The following CLMN variants were observed in gnomAD, a reference collection of about 807,000 sequenced individuals.
CLMN encodes the protein calmin (calponin-like, transmembrane).
In CLMN, 57 loss-of-function variants were observed where a neutral mutation model predicts 92.7. The ratio of observed to expected loss-of-function variants is 0.61; its 90% CI spans 0.50 to 0.77. CLMN has a LOEUF of 0.77. Ranked by LOEUF, CLMN falls within the 30% of genes least tolerant of loss-of-function variation. The probability of loss-of-function intolerance (pLI) is 0.00; values close to 1 mark genes in which losing one functional copy is unlikely to be tolerated. For synonymous variants in CLMN, 466 were observed against 470.6 expected, an observed-to-expected ratio of 0.99 and a Z score of 0.13; for missense variants, 1,158 against 1,237.5, an observed-to-expected ratio of 0.94 and a Z score of 0.96.
At chr14:95,218,553 T>C (rs1897425472) in intron 4 of CLMN, among the ~76,000 whole-genome samples, 3 of 152,186 alleles carry the variant, frequency 2.0e-5, no homozygotes. Context: ...GCAGAGCTGT[T>C]ATAGCCTGTT....
Position 95,215,801 on chromosome 14 carries a change from TTC to T in CLMN, c.325-70_325-69del, listed in dbSNP as rs756652518. ...GAGGATAACATATGTTATTTTCTGG[TTC>T]TCTCTCTCTCTCTGTGTGTGTGTGT... On this transcript the variant is annotated intron_variant, in intron 4 of 12. Transcript: ENST00000298912. 2.0e-3 allele frequency: 2,035 copies of T among 1,016,152 alleles called. 74 individuals are homozygous for T. The highest frequency in any genetic ancestry group is 2.8e-3 in the South Asian group (209 of 73,930). 62.9% of individuals were successfully genotyped at this position (1,016,152 alleles called of 1,614,324 possible). A position where few individuals can be genotyped will look rare whatever the true frequency, so the allele number is the denominator to read the frequency against.
Position 95,204,265 on chromosome 14 carries a change from A to G in CLMN, c.1084T>C (p.Phe362Leu). The change falls in exon 9 of 13, where the codon TTC becomes CTC. Residue 362 changes from phenylalanine to leucine, a missense_variant. By Grantham distance (22) the Phe-to-Leu change is conservative. Coordinates refer to ENST00000298912, the MANE Select transcript of CLMN (RefSeq NM_024734.4). ...VCDKPESMKE[F>L]RLDGVSSHAL... ...TGGCTGGAAACACCATCCAGGCGGAATTCCTTCATGCTCTCGGGCTTGTCA... is the reference window on the plus strand; with the variant it reads ...TGGCTGGAAACACCATCCAGGCGGAGTTCCTTCATGCTCTCGGGCTTGTCA... 1.9e-6 allele frequency: 3 copies of G among 1,614,100 alleles called. No individual in the cohort carries two copies. The highest frequency in any genetic ancestry group is 2.5e-6 in the Non-Finnish European group (3 of 1,180,004).
At chr14:95,271,993 T>C (rs1404043210) in intron 1 of CLMN, among the ~76,000 whole-genome samples, 1 of 152,260 alleles carries the variant, frequency 6.6e-6, no homozygotes, top group African/African-American at 2.4e-5. Context: ...GTCCTTTTAC[T>C]GCTATGAATT....
At chr14:95,297,552 AT>A (rs1321402760) in intron 1 of CLMN, among the ~76,000 whole-genome samples, 1 of 152,078 alleles carries the variant, frequency 6.6e-6, no homozygotes, top group Non-Finnish European at 1.5e-5. Context: ...CCACACATCC[AT>A]TTTTTGTCCT....
rs377316318 is a variant in CLMN at position 95,203,189 on chromosome 14, G to A, written c.2160C>T (p.Ser720=). 1.1e-5 allele frequency: 17 copies of A among 1,613,134 alleles called. No homozygotes were observed. The East Asian group carries it at 1.3e-4, about 13-fold the overall frequency. ...AATAGAAGAGGTCGTGGGGAATGACGGAAACCTTTGAGAGGGGTGGGGAGG... is the reference window on the plus strand; with the variant it reads ...AATAGAAGAGGTCGTGGGGAATGACAGAAACCTTTGAGAGGGGTGGGGAGG... ...FKPSPPLSKV[S]VIPHDLFYFP... is the part of the protein sequence containing the mutation. Residue 720 remains serine (S), a synonymous_variant, in exon 9 of 13, where the codon TCC becomes TCT. Transcript: ENST00000298912.
chr14:95,286,945 C>T (rs1900367147), intron 1 of CLMN, among the ~76,000 whole-genome samples: 1 of 152,218 alleles, frequency 6.6e-6, no homozygotes, highest in South Asian at 2.1e-4. Context: ...AAGGTGGCAT[C>T]TATGATTTGG....
chr14:95,293,249 C>T (rs1374917289), intron 1 of CLMN, among the ~76,000 whole-genome samples: 4 of 71,130 alleles, frequency 5.6e-5, no homozygotes, highest in African/African-American at 9.7e-5. Flanking sequence ...TCCTTCCTTC[C>T]CTCCCTCCTT....
intron 1 of CLMN, among the ~76,000 whole-genome samples, chr14:95,268,408 T>C (rs145409967): frequency 6.6e-6 from 1 of 151,262 alleles, no homozygotes; most frequent in African/African-American, 2.4e-5. Flanking sequence ...CTCAAATGAT[T>C]ACACCACCAT....
chr14:95,276,526 T>C (rs1272063843), intron 1 of CLMN, among the ~76,000 whole-genome samples: 1 of 152,138 alleles, frequency 6.6e-6, no homozygotes, highest in Non-Finnish European at 1.5e-5. Flanking sequence ...GGCTGAACTG[T>C]TGATATGATG....
intron 5 of CLMN, among the ~76,000 whole-genome samples, chr14:95,215,098 G>A (rs532326647): frequency 2.6e-5 from 4 of 152,222 alleles, no homozygotes; most frequent in African/African-American, 7.2e-5. Flanking sequence ...AGAACTTAAA[G>A]TATAACAATA....
intron 9 of CLMN, among the ~76,000 whole-genome samples, chr14:95,200,452 C>T (rs1028403597): frequency 1.3e-5 from 2 of 152,156 alleles, no homozygotes; most frequent in African/African-American, 4.8e-5. Context: ...CTGGAGAGGC[C>T]GAGCCCAGGC....
chr14:95,318,596 C>A (rs1901898339), intron 1 of CLMN, among the ~76,000 whole-genome samples: 1 of 152,108 alleles, frequency 6.6e-6, no homozygotes, highest in Non-Finnish European at 1.5e-5. Flanking sequence ...GCTGCCCTGG[C>A]TGGGGGAGGG....
At position 95,203,172 on chromosome 14, in the gene CLMN, A is replaced by T. The variant is rs993458899; in HGVS notation, c.2177T>A (p.Leu726His). The T allele has an allele frequency of 7.4e-6, 12 of 1,612,764 alleles. No individual in the cohort carries two copies. Among genetic ancestry groups the T allele is most frequent in the Non-Finnish European group, 1.0e-5 (12 of 1,179,980 alleles). The change falls in exon 9 of 13, where the codon CTC (leucine) becomes CAC (histidine). Residue 726 changes from leucine (L) to histidine (H), a missense_variant. Coordinates refer to ENST00000298912, the MANE Select transcript of CLMN (RefSeq NM_024734.4). ...AACCTCATAGTGTGGGAAATAGAAG[A>T]GGTCGTGGGGAATGACGGAAACCTT... The part of the protein sequence containing the change: ...LSKVSVIPHD[L>H]FYFPHYEVPL...
At chr14:95,219,283 A>G (rs992680009) in intron 4 of CLMN, among the ~76,000 whole-genome samples, 3 of 152,246 alleles carry the variant, frequency 2.0e-5, no homozygotes, top group African/African-American at 7.2e-5. Context: ...ACAGAGCAGG[A>G]GAGTATTTAG....
At chr14:95,313,232 C>T (rs1901618966) in intron 1 of CLMN, among the ~76,000 whole-genome samples, 1 of 152,146 alleles carries the variant, frequency 6.6e-6, no homozygotes. Flanking sequence ...AAATTAAAAA[C>T]ACACATACAC....
intron 1 of CLMN, among the ~76,000 whole-genome samples, chr14:95,231,252 A>G (rs952391729): frequency 6.8e-6 from 1 of 146,214 alleles, no homozygotes; most frequent in African/African-American, 2.6e-5. Flanking sequence ...GCTGGAGTGC[A>G]GTGACGCAAT....
chr14:95,260,197 T>C (rs1030090112), intron 1 of CLMN, among the ~76,000 whole-genome samples: 2 of 152,098 alleles, frequency 1.3e-5, no homozygotes, highest in Non-Finnish European at 2.9e-5. Flanking sequence ...ATCCCAGCAC[T>C]TTGGGAGGCC....
chr14:95,319,544 G>A (rs1441042743), intron 1 of CLMN, among the ~76,000 whole-genome samples, 167 bp downstream of exon 1: 1 of 152,118 alleles, frequency 6.6e-6, no homozygotes, highest in Non-Finnish European at 1.5e-5. Flanking sequence ...GGCCGCCCTG[G>A]GGCTTGGGGG....
At chr14:95,288,227 A>C (rs1900416813) in intron 1 of CLMN, among the ~76,000 whole-genome samples, 1 of 152,236 alleles carries the variant, frequency 6.6e-6, no homozygotes, top group Non-Finnish European at 1.5e-5. Flanking sequence ...TAGAGGACTT[A>C]CGTGAACAGC....
Sources: allele counts gnomAD v4.1 joint callset (sites outside exome capture counted in the v4.1 genomes callset), GRCh38; gene constraint gnomAD v4.1.1; transcripts MANE v1.5; gene names NCBI Gene and HGNC (gene_info 2026-07-23, HGNC 2026-07-21).